The following LYRM4 variants were observed in gnomAD, a reference collection of about 807,000 sequenced individuals.
LYRM4 encodes LYR motif containing 4.
A neutral mutation model predicts 11.7 loss-of-function variants in LYRM4; 9 were observed. The observed-to-expected ratio is 0.77, with a 90% CI of 0.46 to 1.34. LYRM4 has a LOEUF of 1.34. Ranked by LOEUF, LYRM4 falls within the 40% of genes most tolerant of loss-of-function variation. LYRM4 has a pLI of 0.00. For synonymous variants in LYRM4, 42 were observed against 40.4 expected (o/e 1.04, Z -0.15); for missense variants, 133 against 112.5 (o/e 1.18, Z -0.82).
At chr6:5,250,529 A>C (rs1764379159) in intron 1 of LYRM4, among the ~76,000 whole-genome samples, 1 of 151,846 alleles carries the variant, frequency 6.6e-6, no homozygotes, top group African/African-American at 2.4e-5. Flanking sequence ...AAGAGAAAAA[A>C]ATGTTTTTTG....
the LYRM4 span, among the ~76,000 whole-genome samples, chr6:5,080,512 C>T: frequency 6.6e-6 from 1 of 152,136 alleles, no homozygotes; most frequent in African/African-American, 2.4e-5. Context: ...TGTTACTTGG[C>T]CAAGTTATTC....
chr6:5,168,766 T>C (rs923358662), intron 2 of LYRM4, among the ~76,000 whole-genome samples: 1 of 152,142 alleles, frequency 6.6e-6, no homozygotes, highest in Non-Finnish European at 1.5e-5. Context: ...GGGTGTGACA[T>C]AGGTACTGTG....
chr6:5,201,150 G>A (rs1007045495), intron 2 of LYRM4, among the ~76,000 whole-genome samples: 1 of 152,120 alleles, frequency 6.6e-6, no homozygotes, highest in Non-Finnish European at 1.5e-5. Flanking sequence ...TCTGAGGAGA[G>A]TAATTTAGAG....
At chr6:5,229,843 G>A (rs1763128145) in intron 1 of LYRM4, among the ~76,000 whole-genome samples, 1 of 152,168 alleles carries the variant, frequency 6.6e-6, no homozygotes, top group South Asian at 2.1e-4. Context: ...TTCTATAGCA[G>A]ATGCTCCTTT....
At chr6:5,249,609 T>C (rs1764342200) in intron 1 of LYRM4, among the ~76,000 whole-genome samples, 1 of 152,230 alleles carries the variant, frequency 6.6e-6, no homozygotes. Context: ...ATCACAGTGA[T>C]ACATTATGTC....
downstream of LYRM4, chr6:5,107,235 C>A (rs896459890): frequency 1.3e-5 from 2 of 152,248 alleles, no homozygotes; most frequent in African/African-American, 4.8e-5. Context: ...AAGCAACCTG[C>A]TGTTACAGCC....
rs1762772661 is a variant in LYRM4 at position 5,109,370 on chromosome 6, A to G, written c.*53T>C. The G allele has an allele frequency of 2.5e-6, 4 of 1,611,112 alleles. No homozygotes were observed. The East Asian group carries it at 8.9e-5, about 36-fold the overall frequency. ...TTGGGAGCCCCCATCTCAAACAGAG[A>G]GTGGATGCTGAAGGTGGTCCCTGGC... is the stretch of plus-strand genomic sequence containing the variant. On this transcript the variant is annotated 3_prime_UTR_variant, in exon 3 of 3. Coordinates refer to ENST00000330636, the MANE Select transcript of LYRM4 (RefSeq NM_020408.6).
chr6:5,215,091 C>T (rs1046781540), intron 2 of LYRM4, among the ~76,000 whole-genome samples: 5 of 151,122 alleles, frequency 3.3e-5, no homozygotes, highest in African/African-American at 1.2e-4. Context: ...AGAAGTGACA[C>T]AGACAATTAG....
Position 5,108,419 on chromosome 6 carries a change from T to C in LYRM4, c.*1004A>G. 1 of 975,058 alleles carries C rather than the reference T, an allele frequency of 1.0e-6. No homozygotes were observed. The highest frequency in any genetic ancestry group is 4.7e-5 in the South Asian group (1 of 21,110). 60.4% of individuals were successfully genotyped at this position (975,058 alleles called of 1,614,324 possible). A position where few individuals can be genotyped will look rare whatever the true frequency, so the allele number is the denominator to read the frequency against. ...TTTGGAATGAATCTGTTTCCAAGAA[T>C]AAAAGCATACAAACAATATCTTTAT... On this transcript the variant is annotated 3_prime_UTR_variant, in exon 3 of 3. Coordinates refer to ENST00000330636, the MANE Select transcript of LYRM4 (RefSeq NM_020408.6).
At chr6:5,256,976 T>A (rs1159588447) in intron 1 of LYRM4, among the ~76,000 whole-genome samples, 1 of 152,176 alleles carries the variant, frequency 6.6e-6, no homozygotes, top group East Asian at 1.9e-4. Context: ...TAATGATTTA[T>A]CAAATACAAC....
downstream of LYRM4, chr6:5,102,553 T>C (rs1762537666): frequency 6.6e-6 from 1 of 152,230 alleles, no homozygotes; most frequent in African/African-American, 2.4e-5. Context: ...ATAAAGTACC[T>C]CTCTGGCTGA....
chr6:5,081,536 C>CT, the LYRM4 span, among the ~76,000 whole-genome samples: 1 of 152,128 alleles, frequency 6.6e-6, no homozygotes, highest in East Asian at 1.9e-4. Context: ...GCTCATCCTC[C>CT]TCCTCCTGAC....
At chr6:5,076,511 CTG>C in the LYRM4 span, among the ~76,000 whole-genome samples, 1 of 152,182 alleles carries the variant, frequency 6.6e-6, no homozygotes, top group Non-Finnish European at 1.5e-5. Context: ...TTAGGACACT[CTG>C]TGCTGCGAGC....
At chr6:5,074,614 TTTTC>T in the LYRM4 span, among the ~76,000 whole-genome samples, 8 of 150,018 alleles carry the variant, frequency 5.3e-5, no homozygotes, top group South Asian at 2.1e-4. Context: ...GAGGAGTTGC[TTTTC>T]TTTCTTTTTT....
chr6:5,191,832 T>C (rs1760771140), intron 2 of LYRM4, among the ~76,000 whole-genome samples: 1 of 152,176 alleles, frequency 6.6e-6, no homozygotes, highest in African/African-American at 2.4e-5. Context: ...GAACCAATAA[T>C]TGTACAATTG....
intron 2 of LYRM4, among the ~76,000 whole-genome samples, chr6:5,152,245 GCT>G: frequency 6.6e-6 from 1 of 152,240 alleles, no homozygotes. Context: ...GGCAGACTCA[GCT>G]CTGTGTTTCT....
intron 2 of LYRM4, among the ~76,000 whole-genome samples, chr6:5,129,320 C>T (rs1329629633): frequency 6.6e-6 from 1 of 152,184 alleles, no homozygotes; most frequent in Non-Finnish European, 1.5e-5. Flanking sequence ...TATTCTCTTA[C>T]AGTTATGGAG....
the LYRM4 span, among the ~76,000 whole-genome samples, chr6:5,075,185 A>C: frequency 7.9e-5 from 12 of 152,188 alleles, no homozygotes; most frequent in Admixed American, 3.3e-4. Flanking sequence ...GATCCAGTTC[A>C]ACCTCTTTTC....
intron 2 of LYRM4, among the ~76,000 whole-genome samples, chr6:5,178,234 C>T (rs972034067): frequency 3.3e-5 from 5 of 151,964 alleles, no homozygotes; most frequent in African/African-American, 1.2e-4. Context: ...TGGTAACAGT[C>T]AAAAGTCATT....
Sources: gnomAD v4.1 joint callset for allele counts (sites outside exome capture counted in the v4.1 genomes callset) on GRCh38, gnomAD v4.1.1 for gene constraint, MANE v1.5 for transcripts, NCBI Gene and HGNC (gene_info 2026-07-23, HGNC 2026-07-21) for gene names.